Variants in CGNL1 observed in about 807,000 individuals in gnomAD.
CGNL1 encodes cingulin like 1, also known as cingulin-like protein 1.
CGNL1 carries 132 observed loss-of-function variants against 141.2 expected under a neutral mutation model. The ratio of observed to expected loss-of-function variants is 0.93; its 90% confidence interval spans 0.81 to 1.08. The LOEUF (loss-of-function observed/expected upper bound fraction) is 1.08. Ranked by LOEUF, CGNL1 falls within the 50% of genes least tolerant of loss-of-function variation. The pLI is 0.00. For synonymous variants in CGNL1, 690 were observed against 622.1 expected, an observed-to-expected ratio of 1.11 and a Z score of -1.63; for missense variants, 1,870 against 1,588.6, an observed-to-expected ratio of 1.18 and a Z score of -3.01.
intron 1 of CGNL1, among the ~76,000 whole-genome samples, chr15:57,403,281 C>G (rs1595666301): frequency 6.6e-6 from 1 of 152,200 alleles, no homozygotes. Context: ...GGACAACATG[C>G]TGGTTTCCCG....
intron 8 of CGNL1, among the ~76,000 whole-genome samples, chr15:57,505,075 G>A (rs1324958876): frequency 1.3e-5 from 2 of 152,140 alleles, no homozygotes; most frequent in African/African-American, 4.8e-5. Flanking sequence ...GGGACCGAGT[G>A]AGAGTCTTGC....
At chr15:57,414,480 G>A (rs2062826824) in intron 1 of CGNL1, among the ~76,000 whole-genome samples, 1 of 152,192 alleles carries the variant, frequency 6.6e-6, no homozygotes, top group Non-Finnish European at 1.5e-5. Flanking sequence ...GTACTTGTGT[G>A]AAGAGACAGA....
At chr15:57,517,122 C>T in intron 9 of CGNL1, 136 bp downstream of exon 9, 1 of 813,178 alleles carries the variant, frequency 1.2e-6, no homozygotes, top group Non-Finnish European at 1.9e-6. Flanking sequence ...AATACATCCT[C>T]TCTGCAAGCC....
At chr15:57,508,286 A>G (rs946612559) in intron 8 of CGNL1, among the ~76,000 whole-genome samples, 1 of 150,210 alleles carries the variant, frequency 6.7e-6, no homozygotes, top group Non-Finnish European at 1.5e-5. Flanking sequence ...TGGTGTTGGC[A>G]ATTTTGGTAA....
rs79067897 is a variant in CGNL1 at position 57,420,027 on chromosome 15, G to A, written c.-15-17958G>A. On this transcript the variant is annotated intron_variant, in intron 1 of 18. Coordinates refer to ENST00000281282, the MANE Select transcript of CGNL1 (RefSeq NM_032866.5). ...ATCCAACACTATTTTTTGGGCCATT[G>A]GGAGATCTTTTAGTTGGCTCCTGTG... Among the ~76,000 whole-genome samples, 762 of 152,230 alleles carry A rather than the reference G, an allele frequency of 5.0e-3. 5 individuals carry two copies. Among genetic ancestry groups the A allele is most frequent in the African/African-American group, 0.017 (704 of 41,560 alleles).
intron 1 of CGNL1, among the ~76,000 whole-genome samples, chr15:57,423,222 C>T (rs2062935667): frequency 6.6e-6 from 1 of 152,094 alleles, no homozygotes; most frequent in East Asian, 1.9e-4. Context: ...AGACAACAGG[C>T]AACAGCCAGA....
At chr15:57,488,306 G>A (rs2063811973) in intron 8 of CGNL1, among the ~76,000 whole-genome samples, 1 of 152,040 alleles carries the variant, frequency 6.6e-6, no homozygotes, top group Non-Finnish European at 1.5e-5. Context: ...CAGTCTCTTA[G>A]TACATATTTA....
chr15:57,402,979 T>C (rs530746619), intron 1 of CGNL1, among the ~76,000 whole-genome samples: 1 of 152,310 alleles, frequency 6.6e-6, no homozygotes, highest in African/African-American at 2.4e-5. Flanking sequence ...AATGAAAATA[T>C]AAGGGGTGGG....
At chr15:57,383,176 C>T (rs1472792135) in intron 1 of CGNL1, among the ~76,000 whole-genome samples, 1 of 151,726 alleles carries the variant, frequency 6.6e-6, no homozygotes, top group East Asian at 1.9e-4. Flanking sequence ...ACTGTGAAAG[C>T]TTTAGGTGCT....
chr15:57,545,941 A>G (rs1224906763), intron 17 of CGNL1, 135 bp from the exon 18 acceptor site: 3 of 1,017,190 alleles, frequency 2.9e-6, no homozygotes, highest in African/African-American at 3.2e-5. Flanking sequence ...CCTGCTCTCC[A>G]TGTTTCCCAA....
At chr15:57,460,054 C>T (rs1277627291) in intron 7 of CGNL1, among the ~76,000 whole-genome samples, 1 of 152,070 alleles carries the variant, frequency 6.6e-6, no homozygotes, top group Non-Finnish European at 1.5e-5. Flanking sequence ...TGCAAAGTTG[C>T]AATCTTGGAG....
intron 1 of CGNL1, among the ~76,000 whole-genome samples, chr15:57,424,291 A>G (rs1250725217): frequency 6.6e-6 from 1 of 152,004 alleles, no homozygotes; most frequent in Admixed American, 6.6e-5. Flanking sequence ...TTCCCTTCCC[A>G]GCGAGGGCTT....
chr15:57,392,558 G>C (rs1212707059), intron 1 of CGNL1, among the ~76,000 whole-genome samples: 1 of 152,212 alleles, frequency 6.6e-6, no homozygotes, highest in East Asian at 1.9e-4. Context: ...ATCTTGCAAA[G>C]AAGTATGACT....
chr15:57,524,103 T>A (rs1373245967), intron 11 of CGNL1, among the ~76,000 whole-genome samples: 4 of 152,142 alleles, frequency 2.6e-5, no homozygotes, highest in African/African-American at 9.7e-5. Context: ...ATTCTGGGAG[T>A]TGACACGAGT....
At chr15:57,524,556 C>T (rs1233647941) in intron 11 of CGNL1, 25 bp from the exon 12 acceptor site, 5 of 1,603,134 alleles carry the variant, frequency 3.1e-6, no homozygotes, top group African/African-American at 2.7e-5. Flanking sequence ...CCAGGGTGGG[C>T]TCACACCCGT....
At chr15:57,476,108 G>T (rs2063653544) in intron 8 of CGNL1, among the ~76,000 whole-genome samples, 1 of 152,192 alleles carries the variant, frequency 6.6e-6, no homozygotes, top group African/African-American at 2.4e-5. Context: ...GCCTAGTAGA[G>T]ACAGACAAGA....
intron 1 of CGNL1, among the ~76,000 whole-genome samples, chr15:57,435,423 T>C (rs1400938892): frequency 6.6e-6 from 1 of 151,430 alleles, no homozygotes; most frequent in Non-Finnish European, 1.5e-5. Flanking sequence ...TTGTTTTTTT[T>C]TTTTTCCTCC....
chr15:57,418,688 T>C (rs1029126204), intron 1 of CGNL1, among the ~76,000 whole-genome samples: 3 of 152,202 alleles, frequency 2.0e-5, no homozygotes. Context: ...GGCTTCTCTT[T>C]ATGTACCTGT....
intron 12 of CGNL1, among the ~76,000 whole-genome samples, chr15:57,525,619 T>C (rs2031560473): frequency 6.6e-6 from 1 of 152,224 alleles, no homozygotes; most frequent in African/African-American, 2.4e-5. Context: ...GGGCTTATTT[T>C]TCATGAACAG....
Sources: allele counts gnomAD v4.1 joint callset (sites outside exome capture counted in the v4.1 genomes callset), GRCh38; gene constraint gnomAD v4.1.1; transcripts MANE v1.5; gene names NCBI Gene and HGNC (gene_info 2026-07-23, HGNC 2026-07-21).